IL12RB2: variants seen among roughly 807,000 people sequenced by gnomAD.
The protein encoded by IL12RB2 is interleukin-12 receptor subunit beta-2.
A neutral mutation model predicts 89.4 loss-of-function variants in IL12RB2; 82 were observed. The ratio of observed to expected loss-of-function variants is 0.92; its 90% confidence interval spans 0.77 to 1.10. The LOEUF (loss-of-function observed/expected upper bound fraction) is 1.10. Ranked by LOEUF, IL12RB2 falls within the 50% of genes least tolerant of loss-of-function variation. The probability of loss-of-function intolerance (pLI) is 0.00; values close to 1 mark genes in which losing one functional copy is unlikely to be tolerated. For missense variants in IL12RB2, 963 were observed against 1,031.9 expected, an observed-to-expected ratio of 0.93 and a Z score of 0.92; for synonymous variants, 368 against 370.1, an observed-to-expected ratio of 0.99 and a Z score of 0.07.
At chr1:67,341,729 G>A (rs970096721) in intron 9 of IL12RB2, among the ~76,000 whole-genome samples, 1 of 152,212 alleles carries the variant, frequency 6.6e-6, no homozygotes, top group African/African-American at 2.4e-5. Context: ...AAAGTTGGAT[G>A]CAGTCCTATA....
At chr1:67,321,998 T>C (rs2100603005) in intron 4 of IL12RB2, 109 bp downstream of exon 4, 1 of 941,486 alleles carries the variant, frequency 1.1e-6, no homozygotes, top group Middle Eastern at 2.9e-4. Flanking sequence ...GTTCTTTCTT[T>C]TCCCACCACA....
intron 9 of IL12RB2, among the ~76,000 whole-genome samples, chr1:67,348,087 A>C (rs1195095752): frequency 2.6e-5 from 4 of 152,034 alleles, no homozygotes; most frequent in Non-Finnish European, 5.9e-5. Context: ...GCATACAAAT[A>C]GGTTGATCTG....
intron 10 of IL12RB2, 22 bp downstream of exon 10, chr1:67,351,111 A>G (rs1660785367): frequency 1.2e-6 from 2 of 1,610,902 alleles, no homozygotes; most frequent in South Asian, 2.2e-5. Context: ...TTTTTCTTTA[A>G]CATTGCCTGT....
At position 67,338,410 on chromosome 1, in the gene IL12RB2, A is replaced by T. The variant is rs17129818; in HGVS notation, c.959-214A>T. On this transcript the variant is annotated intron_variant, in intron 8 of 16. Transcript: ENST00000674203. ...AACAAATTCCTCATCATTTTTTTTT[A>T]AATTTGTTTTTAAGGTAACCTTGTT... Among the ~76,000 whole-genome samples, 5,724 of 128,634 alleles carry T rather than the reference A, an allele frequency of 0.044. 170 individuals are homozygous for T. Among genetic ancestry groups the T allele is most frequent in the Middle Eastern group, 0.094 (17 of 180 alleles). 84.4% of individuals were successfully genotyped at this position (128,634 alleles called of 152,430 possible).
chr1:67,363,452 G>A (rs1662352079), intron 10 of IL12RB2, among the ~76,000 whole-genome samples: 1 of 151,290 alleles, frequency 6.6e-6, no homozygotes, highest in Admixed American at 6.6e-5. Flanking sequence ...CCAACCTCAG[G>A]TGATTCGCCC....
At chr1:67,378,262 C>A (rs572324510) in intron 13 of IL12RB2, among the ~76,000 whole-genome samples, 1 of 152,248 alleles carries the variant, frequency 6.6e-6, no homozygotes, top group South Asian at 2.1e-4. Flanking sequence ...CTCCAAAATC[C>A]AAACCCAACA....
chr1:67,329,517 A>T lies in IL12RB2; in HGVS notation c.665-70A>T, dbSNP rs1211509376. The T allele has an allele frequency of 7.8e-6, 7 of 900,582 alleles. No individual in the cohort carries two copies. The African/African-American group carries it at 1.1e-4, about 15-fold the overall frequency. The allele number at this position is 900,582 out of a possible 1,614,324, so 55.8% of individuals were successfully genotyped here. A position where few individuals can be genotyped will look rare whatever the true frequency, so the allele number is the denominator to read the frequency against. On this transcript the variant is annotated intron_variant, in intron 6 of 16. Transcript: ENST00000674203. The stretch of plus-strand genomic sequence containing the variant: ...AGTTTTGTCAAACTCTTTATAGCTC[A>T]TGCCAGTACATAAGACAATTGCTGA...
intron 9 of IL12RB2, among the ~76,000 whole-genome samples, chr1:67,348,431 C>A (rs1444082331): frequency 2.6e-5 from 4 of 152,168 alleles, no homozygotes; most frequent in Non-Finnish European, 5.9e-5. Context: ...GTCGAGAGCT[C>A]TGGGCTCTGC....
Position 67,396,222 on chromosome 1 carries a change from A to C in IL12RB2, c.*133A>C. On this transcript the variant is annotated 3_prime_UTR_variant, in exon 17 of 17. Coordinates refer to ENST00000674203, the MANE Select transcript of IL12RB2 (RefSeq NM_001374259.2). ...GTCTGGCTGCAGCTAGAGGACAGGC[A>C]AGCCAGCTCTGGGGGAGTCTTAGGA... 2 of 766,260 alleles carry C rather than the reference A, an allele frequency of 2.6e-6. No homozygotes were observed. The highest frequency in any genetic ancestry group is 4.7e-6 in the Non-Finnish European group (2 of 421,936). The allele number at this position is 766,260 out of a possible 1,614,324, so 47.5% of individuals were successfully genotyped here. A position where few individuals can be genotyped will look rare whatever the true frequency, so the allele number is the denominator to read the frequency against.
At chr1:67,381,635 G>A (rs761872389) in intron 14 of IL12RB2, among the ~76,000 whole-genome samples, 11 of 152,004 alleles carry the variant, frequency 7.2e-5, no homozygotes, top group South Asian at 4.2e-4. Context: ...GCATGGTGGC[G>A]GGCGCCTGTA....
chr1:67,331,292 T>C (rs1238682645), intron 8 of IL12RB2, among the ~76,000 whole-genome samples: 1 of 152,162 alleles, frequency 6.6e-6, no homozygotes, highest in East Asian at 1.9e-4. Context: ...CTTGTCCAAA[T>C]ATTATAACAC....
intron 9 of IL12RB2, among the ~76,000 whole-genome samples, chr1:67,341,563 G>C (rs932330120): frequency 5.4e-5 from 3 of 55,602 alleles, no homozygotes; most frequent in African/African-American, 1.4e-4. Flanking sequence ...AAGAAAGAAA[G>C]AAAGAAAGAA....
At chr1:67,389,924 G>T (rs1477897061) in intron 15 of IL12RB2, 105 bp from the exon 16 acceptor site, 7 of 725,646 alleles carry the variant, frequency 9.6e-6, no homozygotes, top group Non-Finnish European at 1.8e-5. Context: ...TCTTTTATTT[G>T]CATACAAAAG....
intron 6 of IL12RB2, 69 bp from the exon 7 acceptor site, chr1:67,329,518 T>C (rs1050540634): frequency 4.0e-5 from 36 of 907,198 alleles, no homozygotes; most frequent in Non-Finnish European, 6.4e-5. Context: ...TTATAGCTCA[T>C]GCCAGTACAT....
intron 10 of IL12RB2, among the ~76,000 whole-genome samples, chr1:67,360,816 C>A (rs565479258): frequency 6.6e-6 from 1 of 151,812 alleles, no homozygotes; most frequent in Non-Finnish European, 1.5e-5. Flanking sequence ...AAAAATACAC[C>A]AGAGCATTCT....
At chr1:67,343,130 C>T (rs1336663804) in intron 9 of IL12RB2, among the ~76,000 whole-genome samples, 1 of 58,172 alleles carries the variant, frequency 1.7e-5, no homozygotes, top group Non-Finnish European at 3.4e-5. Flanking sequence ...TTCTGTCCCC[C>T]AGGCTGAAGT....
intron 4 of IL12RB2, among the ~76,000 whole-genome samples, chr1:67,323,938 A>T (rs1476646993): frequency 6.6e-6 from 1 of 152,218 alleles, no homozygotes; most frequent in African/African-American, 2.4e-5. Flanking sequence ...TGAAATGGAT[A>T]GAAGTCCCAA....
intron 7 of IL12RB2, 89 bp from the exon 8 acceptor site, chr1:67,330,571 C>A: frequency 1.7e-6 from 1 of 595,112 alleles, no homozygotes. Flanking sequence ...ATCAAATAGC[C>A]TGGGTTTTTT....
chr1:67,385,898 C>T (rs921085989), intron 14 of IL12RB2, among the ~76,000 whole-genome samples: 3 of 152,102 alleles, frequency 2.0e-5, no homozygotes, highest in Admixed American at 6.6e-5. Flanking sequence ...TGTCACCATT[C>T]GCATTTTATA....
Sources: gnomAD v4.1 joint callset for allele counts (sites outside exome capture counted in the v4.1 genomes callset) on GRCh38, gnomAD v4.1.1 for gene constraint, MANE v1.5 for transcripts, NCBI Gene and HGNC (gene_info 2026-07-23, HGNC 2026-07-21) for gene names.